GSE1: variants seen among roughly 807,000 people sequenced by gnomAD.
The protein encoded by GSE1 is Gse1 coiled-coil protein.
GSE1 carries 32 observed loss-of-function variants against 112.6 expected under a neutral mutation model. The observed-to-expected ratio is 0.28, with a 90% CI of 0.21 to 0.38. The LOEUF (loss-of-function observed/expected upper bound fraction) is 0.38, where lower values mean the gene tolerates loss of function less well. GSE1 is among the 10% of genes least tolerant of loss of function. The pLI is 1.00. For missense variants in GSE1, 2,348 were observed against 1,699.2 expected (o/e 1.38, Z -6.71); for synonymous variants, 1,115 against 735.6 (o/e 1.52, Z -8.35).
intron 1 of GSE1, among the ~76,000 whole-genome samples, chr16:85,217,643 C>T (rs2143715974): frequency 6.6e-6 from 1 of 152,308 alleles, no homozygotes; most frequent in East Asian, 1.9e-4. Context: ...GGAGAGCGTT[C>T]AGGACAGGGC....
At chr16:85,563,627 C>T (rs566094107) in intron 1 of GSE1, among the ~76,000 whole-genome samples, 133 of 152,336 alleles carry the variant, frequency 8.7e-4, no homozygotes, top group African/African-American at 2.9e-3. Flanking sequence ...CTGAAGGATC[C>T]GGGCAGCTCC....
At chr16:85,231,070 A>G in intron 1 of GSE1, among the ~76,000 whole-genome samples, 1 of 143,686 alleles carries the variant, frequency 7.0e-6, no homozygotes, top group African/African-American at 2.6e-5. Flanking sequence ...GGATAGCTGG[A>G]CAGAGGGATG....
chr16:85,413,520 G>A (rs1465307558), intron 2 of GSE1, among the ~76,000 whole-genome samples: 2 of 152,124 alleles, frequency 1.3e-5, no homozygotes, highest in Admixed American at 6.5e-5. Context: ...GTGGGCTGAG[G>A]GTCCCGGTGG....
At chr16:85,302,210 A>C (rs886823460) in intron 1 of GSE1, among the ~76,000 whole-genome samples, 4 of 152,036 alleles carry the variant, frequency 2.6e-5, no homozygotes, top group Non-Finnish European at 5.9e-5. Context: ...TCGAATGCAC[A>C]CTCTAATCTT....
At chr16:85,632,316 G>GC (rs1173679079) in intron 1 of GSE1, among the ~76,000 whole-genome samples, 2 of 152,042 alleles carry the variant, frequency 1.3e-5, no homozygotes, top group Admixed American at 1.3e-4. Context: ...AACAAACGAT[G>GC]CCCCCCGAAC....
intron 2 of GSE1, among the ~76,000 whole-genome samples, chr16:85,457,505 C>T (rs905366501): frequency 1.3e-5 from 2 of 152,330 alleles, no homozygotes; most frequent in African/African-American, 4.8e-5. Flanking sequence ...CAGTCTCCCT[C>T]GTGGTGATGA....
At chr16:85,665,841 A>T in intron 12 of GSE1, 135 bp from the exon 13 acceptor site, 1 of 797,206 alleles carries the variant, frequency 1.3e-6, no homozygotes, top group Non-Finnish European at 2.1e-6. Flanking sequence ...GCGGTTACTT[A>T]AATGTTCCCC....
At chr16:85,199,070 G>A (rs963498710) in intron 1 of GSE1, among the ~76,000 whole-genome samples, 4 of 151,948 alleles carry the variant, frequency 2.6e-5, no homozygotes, top group South Asian at 4.2e-4. Context: ...TCAGCCTCCC[G>A]AGTAGCTGGG....
rs568104771 is a variant in GSE1, at chr16:85,175,775, C to CA, written c.2283+3969dup. Among the ~76,000 whole-genome samples the CA allele has an allele frequency of 1.6e-4, 25 of 152,294 alleles. No homozygotes were observed. In the South Asian group the frequency reaches 5.2e-3, roughly 32 times the overall value. On this transcript the variant is annotated intron_variant, in intron 1 of 2. Transcript: ENST00000637419. ...TGCTTCCCACCCTCCAGGAGGCGTG[C>CA]ACACTTCACCTGTATTCACACATAC...
intron 1 of GSE1, among the ~76,000 whole-genome samples, chr16:85,189,114 C>G (rs912307327): frequency 6.6e-6 from 1 of 152,216 alleles, no homozygotes; most frequent in Non-Finnish European, 1.5e-5. Flanking sequence ...TAAGTCTTGA[C>G]ACATGCTCTT....
intron 2 of GSE1, among the ~76,000 whole-genome samples, chr16:85,363,969 C>G (rs1304194635): frequency 6.6e-6 from 1 of 152,218 alleles, no homozygotes; most frequent in Non-Finnish European, 1.5e-5. Context: ...TGTTTGTTTC[C>G]CATGGCTGCT....
At chr16:85,494,497 G>A (rs537655648) in intron 2 of GSE1, among the ~76,000 whole-genome samples, 1 of 148,958 alleles carries the variant, frequency 6.7e-6, no homozygotes, top group South Asian at 2.1e-4. Flanking sequence ...CTGTTGCCCA[G>A]GCTGGAGTTC....
At chr16:85,671,298 G>T (rs1050987576) in intron 15 of GSE1, among the ~76,000 whole-genome samples, 200 bp downstream of exon 15, 1 of 151,740 alleles carries the variant, frequency 6.6e-6, no homozygotes, top group African/African-American at 2.4e-5. Context: ...AAATTAGCCG[G>T]GCGTAGTGGC....
intron 1 of GSE1, among the ~76,000 whole-genome samples, chr16:85,273,990 C>T (rs1179881273): frequency 6.6e-6 from 1 of 151,362 alleles, no homozygotes; most frequent in Non-Finnish European, 1.5e-5. Flanking sequence ...AGCCACCACA[C>T]CCATCCAGGG....
intron 1 of GSE1, among the ~76,000 whole-genome samples, chr16:85,590,101 T>G (rs1256884495): frequency 6.6e-6 from 1 of 150,802 alleles, no homozygotes; most frequent in East Asian, 1.9e-4. Flanking sequence ...GGCGTGTGAT[T>G]GAACATTTGT....
At position 85,654,437 on chromosome 16, in the gene GSE1, T is replaced by C; in HGVS notation, c.586T>C (p.Phe196Leu). The change falls in exon 4 of 16, where the codon TTC (phenylalanine) becomes CTC (leucine). Residue 196 changes from phenylalanine to leucine, a missense_variant. Transcript: ENST00000253458. ...CAGCTCAGTTGTGCAGGATTCCCGC[T>C]TCCCGCCACTCAAGTAAGTTGGTCG... The part of the protein sequence containing the change: ...SPSSVVQDSR[F>L]PPLNLQRPVH... The C allele has an allele frequency of 1.9e-6, 3 of 1,562,670 alleles. No homozygotes were observed. Among genetic ancestry groups the C allele is most frequent in the Non-Finnish European group, 2.6e-6 (3 of 1,152,496 alleles).
intron 1 of GSE1, among the ~76,000 whole-genome samples, chr16:85,181,871 G>A (rs183353414): frequency 6.6e-6 from 1 of 152,220 alleles, no homozygotes; most frequent in Non-Finnish European, 1.5e-5. Flanking sequence ...GCATGGCGGG[G>A]CCTTGCCACA....
intron 3 of GSE1, among the ~76,000 whole-genome samples, chr16:85,653,851 G>A (rs1216823544): frequency 6.6e-6 from 1 of 152,194 alleles, no homozygotes; most frequent in African/African-American, 2.4e-5. Context: ...GCTACATCGT[G>A]GCACTCGCTT....
rs1237862100 is a variant in GSE1, at chr16:85,419,406, A to G, written c.2464+61763A>G. Among the ~76,000 whole-genome samples, 1 of 152,006 alleles carries G rather than the reference A, an allele frequency of 6.6e-6. No individual in the cohort carries two copies. The highest frequency in any genetic ancestry group is 1.5e-5 in the Non-Finnish European group (1 of 68,004). Reference sequence around the variant, plus strand: ...GATGGGAGGACTGCTTGAGCCCAGGAGTTTGAGACCAGCCTGAGCAACATA... The same window carrying G: ...GATGGGAGGACTGCTTGAGCCCAGGGGTTTGAGACCAGCCTGAGCAACATA... On this transcript the variant is annotated intron_variant, in intron 2 of 2. Coordinates refer to the GSE1 transcript ENST00000637419. This position sits in a 1 kb window ranked among gnomAD's most constrained non-coding sequence, Gnocchi z 6.5.
Sources: allele counts gnomAD v4.1 joint callset (sites outside exome capture counted in the v4.1 genomes callset), GRCh38; gene constraint gnomAD v4.1.1; non-coding constraint Gnocchi (gnomAD v3.1); transcripts MANE v1.5; gene names NCBI Gene and HGNC (gene_info 2026-07-23, HGNC 2026-07-21).